The following PARD3B variants were observed in gnomAD, a reference collection of about 807,000 sequenced individuals.
PARD3B encodes the protein par-3 family cell polarity regulator beta.
A neutral mutation model predicts 130.2 loss-of-function variants in PARD3B; 103 were observed. The ratio of observed to expected loss-of-function variants is 0.79; its 90% CI spans 0.67 to 0.93. The LOEUF (loss-of-function observed/expected upper bound fraction) is 0.93. PARD3B is among the 40% of genes least tolerant of loss of function. The probability of loss-of-function intolerance (pLI) is 0.00; values close to 1 mark genes in which losing one functional copy is unlikely to be tolerated. For synonymous variants in PARD3B, 583 were observed against 553.2 expected (o/e 1.05, Z -0.76); for missense variants, 1,609 against 1,499.2 (o/e 1.07, Z -1.21).
At position 205,301,393 on chromosome 2, in the gene PARD3B, G is replaced by A. The variant is rs2041991195; in HGVS notation, c.2393-71G>A. ...TTATTCATTCTTTTGCATTTTACAT[G>A]TTAGCGTTTCTCTGTATACTAACTG... On this transcript the variant is annotated intron_variant, in intron 17 of 22. Transcript: ENST00000406610. The surrounding 1 kb of genome is among the most constrained non-coding windows in gnomAD (Gnocchi z 5.2). 6.5e-7 allele frequency: 1 copy of A among 1,542,856 alleles called. No individual in the cohort carries two copies. The highest frequency in any genetic ancestry group is 1.4e-5 in the African/African-American group (1 of 72,132).
intron 2 of PARD3B, among the ~76,000 whole-genome samples, chr2:204,756,990 A>C (rs1282605634): frequency 6.6e-6 from 1 of 151,962 alleles, no homozygotes; most frequent in Non-Finnish European, 1.5e-5. Flanking sequence ...TTTAGCTCCC[A>C]CTGTTAAGTG....
At chr2:204,696,965 T>C (rs983677455) in intron 2 of PARD3B, among the ~76,000 whole-genome samples, 11 of 152,022 alleles carry the variant, frequency 7.2e-5, no homozygotes, top group Non-Finnish European at 1.3e-4. Context: ...ACCAAAACCA[T>C]GTTACAATTG....
intron 19 of PARD3B, among the ~76,000 whole-genome samples, chr2:205,433,512 A>T (rs2047406656): frequency 7.1e-6 from 1 of 140,860 alleles, no homozygotes; most frequent in Non-Finnish European, 1.5e-5. Flanking sequence ...AGCCTGGGCA[A>T]CAAGAGCAAG....
At chr2:204,798,582 A>G (rs761765933) in intron 2 of PARD3B, among the ~76,000 whole-genome samples, 3 of 151,802 alleles carry the variant, frequency 2.0e-5, no homozygotes, top group Non-Finnish European at 4.4e-5. Context: ...GCTTGCCATC[A>G]CTCCTGCCCT....
chr2:205,388,644 G>A (rs985553077), intron 18 of PARD3B, among the ~76,000 whole-genome samples: 1 of 152,136 alleles, frequency 6.6e-6, no homozygotes, highest in Non-Finnish European at 1.5e-5. Context: ...TTATGCTGCT[G>A]GAGAATGGAA....
intron 20 of PARD3B, among the ~76,000 whole-genome samples, chr2:205,478,651 GA>G (rs2049114608): frequency 6.6e-6 from 1 of 152,194 alleles, no homozygotes; most frequent in African/African-American, 2.4e-5. Context: ...ATGCTTATTA[GA>G]AAACTTTATT....
intron 2 of PARD3B, among the ~76,000 whole-genome samples, chr2:204,956,265 C>T (rs372392631): frequency 5.3e-5 from 8 of 152,282 alleles, no homozygotes; most frequent in African/African-American, 1.9e-4. Flanking sequence ...TGAGACGATT[C>T]TATCTTTGCT....
At chr2:205,209,326 T>C (rs985663759) in intron 15 of PARD3B, among the ~76,000 whole-genome samples, 1 of 151,766 alleles carries the variant, frequency 6.6e-6, no homozygotes, top group Non-Finnish European at 1.5e-5. Flanking sequence ...ACTTCATGTC[T>C]AAAACACCAA....
intron 2 of PARD3B, among the ~76,000 whole-genome samples, chr2:204,938,831 T>C (rs1559279778): frequency 6.6e-6 from 1 of 152,146 alleles, no homozygotes; most frequent in Non-Finnish European, 1.5e-5. Context: ...CTGACCAGTG[T>C]ATACCCGTAG....
chr2:204,720,554 GA>G (rs1405095431), intron 2 of PARD3B, among the ~76,000 whole-genome samples: 2 of 152,118 alleles, frequency 1.3e-5, no homozygotes, highest in Non-Finnish European at 1.5e-5. Flanking sequence ...GCTGATGGTT[GA>G]AAAAGAAAGG....
At chr2:204,821,785 A>G (rs1197857545) in intron 2 of PARD3B, among the ~76,000 whole-genome samples, 1 of 152,124 alleles carries the variant, frequency 6.6e-6, no homozygotes, top group African/African-American at 2.4e-5. Flanking sequence ...GCCACCATCC[A>G]TGTGAGACGT....
At chr2:205,152,573 C>T (rs1247340511) in intron 10 of PARD3B, among the ~76,000 whole-genome samples, 4 of 152,134 alleles carry the variant, frequency 2.6e-5, no homozygotes, top group South Asian at 4.1e-4. Flanking sequence ...GCATGTGTCA[C>T]GTAGTTCTCT....
Position 204,781,307 on chromosome 2 carries a change from A to G in PARD3B, c.222+95025A>G, listed in dbSNP as rs564340742. ...ACTTTCATGTACATTTACAGATAATATAAGCAAAGTATCATAATATTGGCA... is the reference window on the plus strand; with the variant it reads ...ACTTTCATGTACATTTACAGATAATGTAAGCAAAGTATCATAATATTGGCA... On this transcript the variant is annotated intron_variant, in intron 2 of 22. Coordinates refer to ENST00000406610, the MANE Select transcript of PARD3B (RefSeq NM_001302769.2). Among the ~76,000 whole-genome samples the G allele has an allele frequency of 3.9e-5, 6 of 152,294 alleles. No homozygotes were observed. The East Asian group carries it at 1.2e-3, about 29-fold the overall frequency.
At chr2:204,834,329 A>G (rs568143605) in intron 2 of PARD3B, among the ~76,000 whole-genome samples, 1 of 152,310 alleles carries the variant, frequency 6.6e-6, no homozygotes, top group African/African-American at 2.4e-5. Flanking sequence ...ATAAATATAT[A>G]TTGGTGTTTG....
intron 2 of PARD3B, among the ~76,000 whole-genome samples, chr2:204,842,546 T>C (rs543568675): frequency 6.6e-6 from 1 of 152,276 alleles, no homozygotes; most frequent in East Asian, 1.9e-4. Context: ...GGAGATTCTC[T>C]CTAATAAATA....
chr2:204,953,959 G>A (rs1690025141), intron 2 of PARD3B, among the ~76,000 whole-genome samples: 1 of 152,140 alleles, frequency 6.6e-6, no homozygotes, highest in Non-Finnish European at 1.5e-5. Context: ...ACTGTTCCCA[G>A]AAAAGAGGTG....
intron 3 of PARD3B, among the ~76,000 whole-genome samples, chr2:205,000,940 C>T (rs1258016371): frequency 6.6e-6 from 1 of 151,984 alleles, no homozygotes; most frequent in African/African-American, 2.4e-5. Context: ...CAGGTAGAAG[C>T]CTGTAACTTT....
chr2:204,677,670 T>A lies in PARD3B; in HGVS notation c.121-8511T>A. On this transcript the variant is annotated intron_variant, in intron 1 of 22. Transcript: ENST00000406610. The surrounding 1 kb of genome is among the most constrained non-coding windows in gnomAD (Gnocchi z 4.1). The stretch of plus-strand genomic sequence containing the variant: ...TTCTGTTCTCACACAGTCCTTGTAT[T>A]ATCATAGCCTAAGATGGTAATAATA... Among the ~76,000 whole-genome samples the A allele has an allele frequency of 6.6e-6, 1 of 152,206 alleles. No homozygotes were observed. Among genetic ancestry groups the A allele is most frequent in the Admixed American group, 6.5e-5 (1 of 15,278 alleles).
In PARD3B at chr2:205,425,393, T is replaced by C. The variant is rs2047109770; in HGVS notation, c.2742-14977T>C. Among the ~76,000 whole-genome samples the C allele has an allele frequency of 3.3e-5, 5 of 152,148 alleles. No individual in the cohort carries two copies. In the South Asian group the frequency reaches 1.0e-3, roughly 32 times the overall value. On this transcript the variant is annotated intron_variant, in intron 19 of 22. Coordinates refer to ENST00000406610, the MANE Select transcript of PARD3B (RefSeq NM_001302769.2). ...AATTTAGGGAAAATGTAAATTGCAA[T>C]AGTTGGAGAGCCTTCAAGGGCAGTT...
Sources: gnomAD v4.1 joint callset for allele counts (sites outside exome capture counted in the v4.1 genomes callset) on GRCh38, gnomAD v4.1.1 for gene constraint, Gnocchi (gnomAD v3.1) non-coding constraint, MANE v1.5 for transcripts, NCBI Gene and HGNC (gene_info 2026-07-23, HGNC 2026-07-21) for gene names.